The following KSR2 variants were observed in gnomAD, a reference collection of about 807,000 sequenced individuals.
KSR2 encodes kinase suppressor of ras 2.
In KSR2, 25 loss-of-function variants were observed where a neutral mutation model predicts 107.8. The ratio of observed to expected loss-of-function variants is 0.23; its 90% CI spans 0.17 to 0.32. The LOEUF is 0.32. Ranked by LOEUF, KSR2 falls within the 10% of genes least tolerant of loss-of-function variation. The pLI, the probability that KSR2 is intolerant of heterozygous loss-of-function variation, is 1.00. For missense variants in KSR2, 887 were observed against 1,268.9 expected, an observed-to-expected ratio of 0.70 and a Z score of 4.57; for synonymous variants, 480 against 507.0, an observed-to-expected ratio of 0.95 and a Z score of 0.71.
At position 117,454,004 on chromosome 12, in the gene KSR2, T is replaced by G. The variant is rs1870467727; in HGVS notation, c.*13195A>C. The G allele has an allele frequency of 6.6e-6, 1 of 152,086 alleles. No individual in the cohort carries two copies. The highest frequency in any genetic ancestry group is 1.5e-5 in the Non-Finnish European group (1 of 68,008). The allele number at this position is 152,086 out of a possible 1,614,324, so 9.4% of individuals were successfully genotyped here. A position where few individuals can be genotyped will look rare whatever the true frequency, so the allele number is the denominator to read the frequency against. On this transcript the variant is annotated 3_prime_UTR_variant, in exon 20 of 20. Transcript: ENST00000339824. The stretch of plus-strand genomic sequence containing the variant: ...GACACTTGGGCATCCCTCCCCATGT[T>G]CACCAGGACACAAATATCTAAATAA...
intron 5 of KSR2, among the ~76,000 whole-genome samples, chr12:117,651,853 C>T (rs1405321415): frequency 1.3e-5 from 2 of 152,204 alleles, no homozygotes; most frequent in Admixed American, 1.3e-4. Context: ...TGTAATTGCT[C>T]TTCTCTGTAT....
chr12:117,927,562 A>G (rs956190762), intron 1 of KSR2, among the ~76,000 whole-genome samples: 11 of 152,010 alleles, frequency 7.2e-5, no homozygotes, highest in Non-Finnish European at 1.3e-4. Context: ...GTGTGGTGGC[A>G]CGAGCCTGTA....
At chr12:117,677,149 C>T (rs947763383) in intron 4 of KSR2, 9 of 152,172 alleles carry the variant, frequency 5.9e-5, no homozygotes, top group African/African-American at 2.2e-4. Context: ...TGCCCCTTCT[C>T]CCCACACTGC....
rs1314331930 is a variant in KSR2, at chr12:117,460,069, G to C, written c.*7130C>G. ...AAGAAATTAGTTTCATTTTACCTAAGCATTTCCAATGCATGCTTGTCCCAG... is the reference window on the plus strand; with the variant it reads ...AAGAAATTAGTTTCATTTTACCTAACCATTTCCAATGCATGCTTGTCCCAG... On this transcript the variant is annotated 3_prime_UTR_variant, in exon 20 of 20. Coordinates refer to ENST00000339824, the MANE Select transcript of KSR2 (RefSeq NM_173598.6). 1 of 152,204 alleles carries C rather than the reference G, an allele frequency of 6.6e-6. No individual in the cohort carries two copies. The highest frequency in any genetic ancestry group is 1.5e-5 in the Non-Finnish European group (1 of 68,044). 9.4% of individuals were successfully genotyped at this position (152,204 alleles called of 1,614,324 possible).
At chr12:117,556,409 T>C (rs1429185123) in intron 8 of KSR2, among the ~76,000 whole-genome samples, 1 of 152,172 alleles carries the variant, frequency 6.6e-6, no homozygotes, top group Non-Finnish European at 1.5e-5. Context: ...GGTTTTAAGA[T>C]AGCCTCATTG....
intron 3 of KSR2, among the ~76,000 whole-genome samples, chr12:117,815,189 A>G (rs1041399541): frequency 6.6e-6 from 1 of 152,254 alleles, no homozygotes; most frequent in Non-Finnish European, 1.5e-5. Flanking sequence ...TATTTCACAC[A>G]TGTGAAATCA....
intron 3 of KSR2, among the ~76,000 whole-genome samples, chr12:117,793,842 ACACT>A (rs1294414224): frequency 3.4e-5 from 5 of 148,486 alleles, no homozygotes; most frequent in East Asian, 2.0e-4. Flanking sequence ...CAACATGCAC[ACACT>A]CATACCATGC....
chr12:117,964,955 A>G (rs1896748416), intron 1 of KSR2, among the ~76,000 whole-genome samples: 1 of 152,178 alleles, frequency 6.6e-6, no homozygotes, highest in Non-Finnish European at 1.5e-5. Flanking sequence ...CTTCCACACT[A>G]GCAGAGCCCT....
chr12:117,943,092 A>G (rs1448437419), intron 1 of KSR2, among the ~76,000 whole-genome samples: 2 of 152,180 alleles, frequency 1.3e-5, no homozygotes, highest in African/African-American at 2.4e-5. Flanking sequence ...ATAAACATAC[A>G]TGTTTGCATG....
At chr12:117,475,313 T>C (rs967350029) in intron 17 of KSR2, among the ~76,000 whole-genome samples, 2 of 152,226 alleles carry the variant, frequency 1.3e-5, no homozygotes, top group Non-Finnish European at 2.9e-5. Flanking sequence ...CTTCCCTCTC[T>C]AGTCTCTTAT....
At chr12:117,633,740 A>G (rs1882917772) in intron 5 of KSR2, among the ~76,000 whole-genome samples, 1 of 152,152 alleles carries the variant, frequency 6.6e-6, no homozygotes, top group Non-Finnish European at 1.5e-5. Context: ...ACCCTAACTC[A>G]TCGCATCTGC....
chr12:117,774,532 C>T (rs573308293), intron 3 of KSR2, among the ~76,000 whole-genome samples: 1 of 152,206 alleles, frequency 6.6e-6, no homozygotes, highest in Admixed American at 6.5e-5. Context: ...GCTCTGACCC[C>T]GTAATGCCTC....
In KSR2 at chr12:117,532,405, G is replaced by T. The variant is rs576640979; in HGVS notation, c.1688-698C>A. On this transcript the variant is annotated intron_variant, in intron 10 of 19. Transcript: ENST00000339824. ...TCCTTCTTCTGCCTTTGACCTTCTT[G>T]CTTCCCTCTGATAAGGACTTTGTGA... 2.9e-4 allele frequency among the ~76,000 whole-genome samples: 44 copies of T among 152,100 alleles called. 1 individual carries two copies. Among genetic ancestry groups the T allele is most frequent in the Non-Finnish European group, 6.3e-4 (43 of 68,008 alleles).
At chr12:117,833,137 G>C (rs558698503) in intron 3 of KSR2, among the ~76,000 whole-genome samples, 38 of 152,296 alleles carry the variant, frequency 2.5e-4, no homozygotes, top group African/African-American at 8.9e-4. Context: ...TGCGGCCTTT[G>C]CTAGGCCCAG....
At position 117,459,221 on chromosome 12, in the gene KSR2, A is replaced by G. The variant is rs982594344; in HGVS notation, c.*7978T>C. On this transcript the variant is annotated 3_prime_UTR_variant, in exon 20 of 20. Coordinates refer to ENST00000339824, the MANE Select transcript of KSR2 (RefSeq NM_173598.6). Reference sequence around the variant, plus strand: ...GCAGAGCGCTGATAGACTGTCCACCAACTACAGCCCAAATGGCTTGGCTTC... The same window carrying G: ...GCAGAGCGCTGATAGACTGTCCACCGACTACAGCCCAAATGGCTTGGCTTC... The G allele has an allele frequency of 6.6e-6, 1 of 152,270 alleles. No individual in the cohort carries two copies. The highest frequency in any genetic ancestry group is 2.4e-5 in the African/African-American group (1 of 41,466). 9.4% of individuals were successfully genotyped at this position (152,270 alleles called of 1,614,324 possible). A position where few individuals can be genotyped will look rare whatever the true frequency, so the allele number is the denominator to read the frequency against.
intron 9 of KSR2, 87 bp from the exon 10 acceptor site, chr12:117,539,974 C>T (rs1876363393): frequency 9.0e-7 from 1 of 1,116,600 alleles, no homozygotes; most frequent in South Asian, 1.5e-5. Context: ...GAGAGGCCCC[C>T]ACCCCAGCCC....
intron 5 of KSR2, among the ~76,000 whole-genome samples, chr12:117,661,710 A>G (rs1034624634): frequency 1.3e-5 from 2 of 152,192 alleles, no homozygotes; most frequent in African/African-American, 2.4e-5. Flanking sequence ...GGAGGGGAAG[A>G]GCAAGAATGT....
At chr12:117,753,829 AAAAG>A (rs1206850702) in intron 4 of KSR2, among the ~76,000 whole-genome samples, 6 of 152,156 alleles carry the variant, frequency 3.9e-5, no homozygotes, top group African/African-American at 9.6e-5. Context: ...AAAAAAAAAA[AAAAG>A]AAGAAGGAAA....
chr12:117,848,760 GATGATGGTGGTA>G (rs1307247601), intron 3 of KSR2, among the ~76,000 whole-genome samples: 1 of 151,356 alleles, frequency 6.6e-6, no homozygotes, highest in Non-Finnish European at 1.5e-5. Flanking sequence ...TGGTGATGGC[GATGATGGTGGTA>G]ATGATGGTGG....
Sources: allele counts gnomAD v4.1 joint callset (sites outside exome capture counted in the v4.1 genomes callset), GRCh38; gene constraint gnomAD v4.1.1; transcripts MANE v1.5; gene names NCBI Gene and HGNC (gene_info 2026-07-23, HGNC 2026-07-21).